The following SSBP3 variants were observed in gnomAD, a reference collection of about 807,000 sequenced individuals.
SSBP3 encodes the protein single stranded DNA binding protein 3.
SSBP3 carries 5 observed loss-of-function variants against 69.6 expected under a neutral mutation model. The observed-to-expected ratio is 0.07, with a 90% CI of 0.04 to 0.15. SSBP3 has a LOEUF of 0.15. Ranked by LOEUF, SSBP3 falls within the 10% of genes least tolerant of loss-of-function variation. The pLI, the probability that SSBP3 is intolerant of heterozygous loss-of-function variation, is 1.00. For missense variants in SSBP3, 312 were observed against 534.0 expected, an observed-to-expected ratio of 0.58 and a Z score of 4.10; for synonymous variants, 196 against 193.4, an observed-to-expected ratio of 1.01 and a Z score of -0.11.
chr1:54,400,486 A>T (rs1452718380), intron 4 of SSBP3, among the ~76,000 whole-genome samples: 1 of 152,146 alleles, frequency 6.6e-6, no homozygotes, highest in Non-Finnish European at 1.5e-5. Flanking sequence ...TATCATCACC[A>T]TGGGATTTTC....
At chr1:54,274,419 T>C (rs1357481264) in intron 5 of SSBP3, among the ~76,000 whole-genome samples, 1 of 143,356 alleles carries the variant, frequency 7.0e-6, no homozygotes, top group African/African-American at 2.5e-5. Flanking sequence ...CAGACAGTTC[T>C]ACTCTCAGGC....
chr1:54,333,982 G>C (rs1186126891), intron 4 of SSBP3, among the ~76,000 whole-genome samples: 1 of 152,198 alleles, frequency 6.6e-6, no homozygotes, highest in African/African-American at 2.4e-5. Flanking sequence ...CTTGAGCCCA[G>C]GAGTTTGAGG....
At chr1:54,396,607 G>A (rs1469911128) in intron 4 of SSBP3, among the ~76,000 whole-genome samples, 1 of 152,102 alleles carries the variant, frequency 6.6e-6, no homozygotes, top group African/African-American at 2.4e-5. Context: ...AAATAGAGAC[G>A]ACCTAAGGAA....
intron 4 of SSBP3, among the ~76,000 whole-genome samples, chr1:54,306,076 C>G (rs1006148986): frequency 1.3e-5 from 2 of 152,008 alleles, no homozygotes; most frequent in African/African-American, 2.4e-5. Flanking sequence ...CTATCCCCAA[C>G]TCCTTGCACA....
At position 54,290,595 on chromosome 1, in the gene SSBP3, T is replaced by TC. The variant is rs144319407; in HGVS notation, c.277-9069dup. On this transcript the variant is annotated intron_variant, in intron 4 of 17. Coordinates refer to ENST00000610401, the Ensembl canonical transcript of SSBP3. ...CATACTGCCGGGCCCTGCCCATTCATCCCAGGAAGCACCCGGCTTCTTCTG... is the reference window on the plus strand; with the variant it reads ...CATACTGCCGGGCCCTGCCCATTCATCCCCAGGAAGCACCCGGCTTCTTCTG... Among the ~76,000 whole-genome samples the TC allele has an allele frequency of 2.8e-3, 430 of 152,310 alleles. 3 individuals are homozygous for TC. The highest frequency in any genetic ancestry group is 6.8e-3 in the Middle Eastern group (2 of 294).
chr1:54,284,365 G>A (rs1412590409), intron 4 of SSBP3, among the ~76,000 whole-genome samples: 1 of 151,722 alleles, frequency 6.6e-6, no homozygotes, highest in Non-Finnish European at 1.5e-5. Flanking sequence ...TTGGCCACTT[G>A]TAGATCTAAT....
chr1:54,395,061 A>G (rs752112498), intron 4 of SSBP3, among the ~76,000 whole-genome samples: 25 of 151,238 alleles, frequency 1.7e-4, no homozygotes, highest in South Asian at 2.1e-4. Flanking sequence ...ATTTCCACAT[A>G]CAATAAAAGG....
At chr1:54,281,527 T>C in exon 5 of SSBP3, 2 of 1,560,370 alleles carry the variant, frequency 1.3e-6, no homozygotes, top group Non-Finnish European at 1.7e-6. Context: ...GCTGCTGCAC[T>C]CTGTGGAGAC....
chr1:54,397,181 G>C (rs563879081), intron 4 of SSBP3, among the ~76,000 whole-genome samples: 4 of 152,354 alleles, frequency 2.6e-5, no homozygotes, highest in African/African-American at 9.6e-5. Flanking sequence ...TAGCTAGCCT[G>C]GCTTATCACA....
intron 4 of SSBP3, among the ~76,000 whole-genome samples, chr1:54,349,696 G>A (rs1485170123): frequency 1.4e-5 from 2 of 147,640 alleles, no homozygotes; most frequent in Non-Finnish European, 3.0e-5. Context: ...GGTATCCAAT[G>A]AGGAAACAGT....
chr1:54,386,563 C>T (rs1039277254), intron 4 of SSBP3, among the ~76,000 whole-genome samples: 2 of 152,030 alleles, frequency 1.3e-5, no homozygotes, highest in African/African-American at 4.8e-5. Flanking sequence ...GAAGCAACGA[C>T]ACAGCATCCG....
At chr1:54,225,484 A>C in exon 18 of SSBP3, 1 of 1,147,854 alleles carries the variant, frequency 8.7e-7, no homozygotes, top group Non-Finnish European at 1.1e-6. Context: ...TATCGTACAC[A>C]AACTACAATG....
At chr1:54,294,219 A>G (rs1645664608) in intron 4 of SSBP3, among the ~76,000 whole-genome samples, 3 of 151,848 alleles carry the variant, frequency 2.0e-5, no homozygotes, top group African/African-American at 7.3e-5. Context: ...CTGCTTTTCA[A>G]GAGTAGTCAC....
chr1:54,327,451 C>T lies in SSBP3; in HGVS notation c.277-45924G>A, dbSNP rs536229344. Among the ~76,000 whole-genome samples the T allele has an allele frequency of 6.4e-4, 98 of 152,312 alleles. 1 individual carries two copies. The South Asian group carries it at 0.019, about 30-fold the overall frequency. ...CCTCTGCAATCTGCCGCCCTGCCTG[C>T]TCCTGACAGCCATCAATCACTCTGT... On this transcript the variant is annotated intron_variant, in intron 4 of 17. Coordinates refer to ENST00000610401, the Ensembl canonical transcript of SSBP3.
intron 4 of SSBP3, among the ~76,000 whole-genome samples, chr1:54,293,687 ATG>A (rs1165762915): frequency 5.9e-5 from 9 of 152,230 alleles, no homozygotes; most frequent in Admixed American, 3.3e-4. Context: ...TTCGTCATTT[ATG>A]TGTTTCTCAG....
chr1:54,336,106 C>T (rs1228264892), intron 4 of SSBP3, among the ~76,000 whole-genome samples: 1 of 152,236 alleles, frequency 6.6e-6, no homozygotes, highest in East Asian at 1.9e-4. Context: ...CTCTAAAGTT[C>T]TTCTAGCACT....
chr1:54,361,960 G>A (rs1475623303), intron 4 of SSBP3, among the ~76,000 whole-genome samples: 1 of 152,182 alleles, frequency 6.6e-6, no homozygotes, highest in African/African-American at 2.4e-5. Context: ...AGCTCTCCCA[G>A]AAAGAGACTG....
At chr1:54,269,879 GA>G (rs1645164019) in intron 5 of SSBP3, among the ~76,000 whole-genome samples, 1 of 152,228 alleles carries the variant, frequency 6.6e-6, no homozygotes, top group African/African-American at 2.4e-5. Context: ...AAGAGCACCT[GA>G]CAGAGGAGAA....
At chr1:54,363,676 A>C (rs894598941) in intron 4 of SSBP3, among the ~76,000 whole-genome samples, 1 of 152,204 alleles carries the variant, frequency 6.6e-6, no homozygotes, top group African/African-American at 2.4e-5. Flanking sequence ...AAAGTCCCCC[A>C]AAAACAAAAC....
Sources: allele counts gnomAD v4.1 joint callset (sites outside exome capture counted in the v4.1 genomes callset), GRCh38; gene constraint gnomAD v4.1.1; transcripts MANE v1.5; gene names NCBI Gene and HGNC (gene_info 2026-07-23, HGNC 2026-07-21).